ANKLE2: variants seen among roughly 807,000 people sequenced by gnomAD.
ANKLE2 encodes the protein ankyrin repeat and LEM domain-containing protein 2.
ANKLE2 carries 55 observed loss-of-function variants against 84.2 expected under a neutral mutation model. That is an observed-to-expected ratio of 0.65 (90% CI 0.53 to 0.82). ANKLE2 has a LOEUF of 0.82. Ranked by LOEUF, ANKLE2 falls within the 40% of genes least tolerant of loss-of-function variation. The pLI, the probability that ANKLE2 is intolerant of heterozygous loss-of-function variation, is 0.00. For missense variants in ANKLE2, 1,238 were observed against 1,201.9 expected (o/e 1.03, Z -0.44); for synonymous variants, 551 against 486.1 (o/e 1.13, Z -1.76).
intron 8 of ANKLE2, among the ~76,000 whole-genome samples, chr12:132,736,369 C>T (rs1012831268): frequency 6.6e-6 from 1 of 152,208 alleles, no homozygotes; most frequent in Non-Finnish European, 1.5e-5. Flanking sequence ...AAAAAGTGTA[C>T]AACCTTTGAC....
chr12:132,737,319 A>C, intron 7 of ANKLE2: 1 of 417,668 alleles, frequency 2.4e-6, no homozygotes, highest in Non-Finnish European at 4.3e-6. Context: ...CAAGAAAAGA[A>C]AGAAAAGAAA....
At chr12:132,744,198 T>C (rs2044187393) in intron 5 of ANKLE2, among the ~76,000 whole-genome samples, 2 of 152,166 alleles carry the variant, frequency 1.3e-5, no homozygotes, top group Admixed American at 1.3e-4. Context: ...GCGGGCCTCA[T>C]GGTCAACAGT....
chr12:132,740,268 G>A (rs563153012), intron 7 of ANKLE2, among the ~76,000 whole-genome samples: 1 of 152,186 alleles, frequency 6.6e-6, no homozygotes, highest in African/African-American at 2.4e-5. Flanking sequence ...ACACACTGAA[G>A]AAGTGTAATT....
chr12:132,730,367 C>G (rs998280483), intron 10 of ANKLE2, 97 bp from the exon 11 acceptor site: 1 of 236,840 alleles, frequency 4.2e-6, no homozygotes, highest in South Asian at 8.6e-5. Flanking sequence ...ACCCCAGCAA[C>G]AGCAACTCTT....
rs58937780 is a variant in ANKLE2 at position 132,754,659 on chromosome 12, C to T, written c.640+16G>A. 667 of 1,582,052 alleles carry T rather than the reference C, an allele frequency of 4.2e-4. 3 individuals are homozygous for T. In the African/African-American group the frequency reaches 8.2e-3, roughly 20 times the overall value. On this transcript the variant is annotated intron_variant, in intron 2 of 12. Transcript: ENST00000357997. ...GTGCTATCTGTGTGAGGAAATCCTACACACGGTCCCATTACCATTTCTCGC... is the reference window on the plus strand; with the variant it reads ...GTGCTATCTGTGTGAGGAAATCCTATACACGGTCCCATTACCATTTCTCGC...
At chr12:132,753,284 C>T (rs1214147649) in intron 2 of ANKLE2, among the ~76,000 whole-genome samples, 3 of 151,962 alleles carry the variant, frequency 2.0e-5, no homozygotes, top group Non-Finnish European at 4.4e-5. Context: ...GATTGCATCA[C>T]TACACCCCAA....
chr12:132,741,684 A>T, intron 6 of ANKLE2, 199 bp from the exon 7 acceptor site: 1 of 667,798 alleles, frequency 1.5e-6, no homozygotes, highest in South Asian at 1.6e-5. Context: ...AGGAGAACAC[A>T]CTCTGGGATT....
intron 6 of ANKLE2, chr12:132,741,919 A>AT (rs1387675033): frequency 4.5e-6 from 2 of 442,126 alleles, no homozygotes; most frequent in South Asian, 1.6e-5. Flanking sequence ...TCAAAGTTCT[A>AT]TTTTTGCCAC....
Position 132,728,029 on chromosome 12 carries a change from T to A in ANKLE2, c.2615+3A>T, listed in dbSNP as rs767576968. ...GGTGACAGGCTGTCCGGGCCCCACA[T>A]ACCTCTGTCTGTCCGAGGGTGAGTA... On this transcript the variant is annotated splice_donor_region_variant and intron_variant, in intron 12 of 12. Transcript: ENST00000357997. 1.9e-5 allele frequency: 30 copies of A among 1,596,972 alleles called. No individual in the cohort carries two copies. The highest frequency in any genetic ancestry group is 2.4e-5 in the Non-Finnish European group (28 of 1,174,304).
chr12:132,743,401 G>T lies in ANKLE2; in HGVS notation c.1231-125C>A. 7.9e-7 allele frequency: 1 copy of T among 1,268,636 alleles called. No homozygotes were observed. Among genetic ancestry groups the T allele is most frequent in the Non-Finnish European group, 1.0e-6 (1 of 959,652 alleles). The allele number at this position is 1,268,636 out of a possible 1,614,324, so 78.6% of individuals were successfully genotyped here. A position where few individuals can be genotyped will look rare whatever the true frequency, so the allele number is the denominator to read the frequency against. ...TATTTTGAGACGGAGTCTCACTGGCGTGATCTTGGCTCACTGCAACCTCTG... is the reference window on the plus strand; with the variant it reads ...TATTTTGAGACGGAGTCTCACTGGCTTGATCTTGGCTCACTGCAACCTCTG... On this transcript the variant is annotated intron_variant, in intron 5 of 12. Coordinates refer to ENST00000357997, the MANE Select transcript of ANKLE2 (RefSeq NM_015114.3). This position sits in a 1 kb window ranked among gnomAD's most constrained non-coding sequence, Gnocchi z 4.1.
At position 132,761,695 on chromosome 12, in the gene ANKLE2, A is replaced by G. The variant is rs2044630331; in HGVS notation, c.104T>C (p.Leu35Pro). 1.5e-6 allele frequency: 2 copies of G among 1,347,674 alleles called. No individual in the cohort carries two copies. The highest frequency in any genetic ancestry group is 3.3e-5 in the East Asian group (1 of 30,706). The allele number at this position is 1,347,674 out of a possible 1,614,324, so 83.5% of individuals were successfully genotyped here. Residue 35 changes from leucine to proline, a missense_variant, in exon 1 of 13, where the codon CTG becomes CCG. Around this residue, in one of 3 missense-constraint regions of ANKLE2, gnomAD observed 422 missense variants for 394.5 expected, o/e 1.07. Transcript: ENST00000357997. ...LIAVRWLVRR[L>P]GPRPGGLGRS... ...GCCCAGACCTCCCGGCCGCGGGCCCAGCCGCCGCACCAGCCACCGCACAGC... is the reference window on the plus strand; with the variant it reads ...GCCCAGACCTCCCGGCCGCGGGCCCGGCCGCCGCACCAGCCACCGCACAGC...
At chr12:132,744,548 GA>G (rs1242191368) in intron 5 of ANKLE2, among the ~76,000 whole-genome samples, 1 of 152,044 alleles carries the variant, frequency 6.6e-6, no homozygotes, top group Non-Finnish European at 1.5e-5. Context: ...TCACCCACTA[GA>G]GGTATCCCTT....
In ANKLE2 at chr12:132,761,762, C is replaced by T; in HGVS notation, c.37G>A (p.Ala13Thr). Residue 13 changes from alanine to threonine, a missense_variant, in exon 1 of 13, where the codon GCG becomes ACG. Ala to Thr is a moderately conservative substitution (Grantham distance 58, BLOSUM62 0). Transcript: ENST00000357997. ...WPRLAAAEWA[A>T]LAWELLGASV... ...GCGCCCAGCAGCTCCCAGGCCAGCG[C>T]CGCCCACTCGGCCGCCGCCAGCCGC... is the stretch of plus-strand genomic sequence containing the variant. 1.7e-6 allele frequency: 2 copies of T among 1,198,178 alleles called. No individual in the cohort carries two copies. The highest frequency in any genetic ancestry group is 2.1e-6 in the Non-Finnish European group (2 of 966,250). The allele number at this position is 1,198,178 out of a possible 1,614,324, so 74.2% of individuals were successfully genotyped here. A position where few individuals can be genotyped will look rare whatever the true frequency, so the allele number is the denominator to read the frequency against.
At chr12:132,734,012 T>C (rs754154900) in intron 10 of ANKLE2, 158 of 461,972 alleles carry the variant, frequency 3.4e-4, no homozygotes, top group African/African-American at 2.6e-3. Context: ...AGCACTCTAG[T>C]GGATCACGAG....
intron 6 of ANKLE2, chr12:132,742,119 T>C: frequency 3.8e-6 from 1 of 263,076 alleles, no homozygotes; most frequent in South Asian, 3.5e-5. Context: ...AAAAGTCAAA[T>C]GCTTTTTAAA....
At chr12:132,741,342 C>T in intron 7 of ANKLE2, 77 bp downstream of exon 7, 3 of 1,459,750 alleles carry the variant, frequency 2.1e-6, no homozygotes, top group Non-Finnish European at 2.9e-6. Context: ...GAAAGCAAAG[C>T]TCTGCTGTGT....
At position 132,761,645 on chromosome 12, in the gene ANKLE2, G is replaced by T; in HGVS notation, c.154C>A (p.Pro52Thr). Reference protein sequence around the residue: ...LGRSGTPVPPPSAAAAPASGE... With the variant: ...LGRSGTPVPPTSAAAAPASGE... ...GAGGCGGGGGCGGCGGCCGCGCTTG[G>T]CGGAGGAACTGGGGTCCCGCTGCGG... Residue 52 changes from proline (P) to threonine (T), a missense_variant, in exon 1 of 13, where the codon CCA (proline) becomes ACA (threonine). Pro to Thr is a conservative substitution (Grantham distance 38). This residue lies in a region of ANKLE2 where 422 missense variants were observed against 394.5 expected (regional missense o/e 1.07). Coordinates refer to ENST00000357997, the MANE Select transcript of ANKLE2 (RefSeq NM_015114.3). 1 of 1,269,214 alleles carries T rather than the reference G, an allele frequency of 7.9e-7. No individual in the cohort carries two copies. Among genetic ancestry groups the T allele is most frequent in the Non-Finnish European group, 9.9e-7 (1 of 1,008,814 alleles). 78.6% of individuals were successfully genotyped at this position (1,269,214 alleles called of 1,614,324 possible).
chr12:132,748,528 C>T (rs753411837), intron 3 of ANKLE2, among the ~76,000 whole-genome samples, 197 bp from the exon 4 acceptor site: 2 of 152,176 alleles, frequency 1.3e-5, no homozygotes, highest in Non-Finnish European at 2.9e-5. Flanking sequence ...CCAGCGTGCC[C>T]GTCAGCAGAG....
At chr12:132,755,626 T>C (rs61951308) in intron 1 of ANKLE2, 22,027 of 150,710 alleles carry the variant, frequency 0.15, 2,856 homozygotes, top group African/African-American at 0.34. Flanking sequence ...AGTGGTGCTA[T>C]CGCAGCTCAC....
Sources: gnomAD v4.1 joint callset for allele counts (sites outside exome capture counted in the v4.1 genomes callset) on GRCh38, gnomAD v4.1.1 for gene constraint, gnomAD v4.1.1 regional missense constraint, Gnocchi (gnomAD v3.1) non-coding constraint, MANE v1.5 for transcripts, NCBI Gene and HGNC (gene_info 2026-07-23, HGNC 2026-07-21) for gene names.